PALM2AKAP2: variants seen among roughly 807,000 people sequenced by gnomAD.
The protein encoded by PALM2AKAP2 is PALM2 and AKAP2 fusion.
Under a neutral mutation model 71.5 loss-of-function variants are expected in PALM2AKAP2, and 37 were observed. That is an observed-to-expected ratio of 0.52 (90% CI 0.40 to 0.68). The LOEUF (loss-of-function observed/expected upper bound fraction) is 0.68, where lower values mean the gene tolerates loss of function less well. Ranked by LOEUF, PALM2AKAP2 falls within the 30% of genes least tolerant of loss-of-function variation. The pLI, the probability that PALM2AKAP2 is intolerant of heterozygous loss-of-function variation, is 0.00. For missense variants in PALM2AKAP2, 1,224 were observed against 1,191.8 expected (o/e 1.03, Z -0.40); for synonymous variants, 468 against 478.8 (o/e 0.98, Z 0.29).
chr9:110,135,164 A>ATATATAT (rs1554755279), intron 1 of PALM2AKAP2, among the ~76,000 whole-genome samples: 2 of 51,742 alleles, frequency 3.9e-5, no homozygotes, highest in African/African-American at 1.5e-4. Flanking sequence ...AAAAAAAAAA[A>ATATATAT]ATATATAAAT....
chr9:109,806,639 C>T (rs1006670690), intron 1 of PALM2AKAP2, among the ~76,000 whole-genome samples: 1 of 152,068 alleles, frequency 6.6e-6, no homozygotes, highest in Admixed American at 6.6e-5. Flanking sequence ...AAAGAGTGAG[C>T]CATGTGGATA....
At position 109,644,991 on chromosome 9, in the gene PALM2AKAP2, A is replaced by G. The variant is rs1827128080; in HGVS notation, c.5+4125A>G. On this transcript the variant is annotated intron_variant, in intron 1 of 6. Transcript: ENST00000374531. ...CTTCTGAGCCCTCCAAACTGTTTCA[A>G]CCTCTGCCTGTTACCCAATTCCAAA... is the stretch of plus-strand genomic sequence containing the variant. Among the ~76,000 whole-genome samples the G allele has an allele frequency of 2.0e-5, 3 of 152,046 alleles. No homozygotes were observed. The South Asian group carries it at 6.2e-4, about 32-fold the overall frequency.
At chr9:109,681,685 T>A (rs1372115638) in intron 1 of PALM2AKAP2, among the ~76,000 whole-genome samples, 2 of 152,208 alleles carry the variant, frequency 1.3e-5, no homozygotes, top group East Asian at 1.9e-4. Flanking sequence ...AGGCTGAAAT[T>A]TGAACTGCAG....
At chr9:109,650,178 C>T (rs1827206350) in intron 1 of PALM2AKAP2, among the ~76,000 whole-genome samples, 1 of 152,084 alleles carries the variant, frequency 6.6e-6, no homozygotes, top group Admixed American at 6.5e-5. Flanking sequence ...CCAGCCCCTT[C>T]ACACAGATGT....
chr9:110,068,963 A>G (rs1449773592), intron 1 of PALM2AKAP2, among the ~76,000 whole-genome samples: 1 of 152,226 alleles, frequency 6.6e-6, no homozygotes, highest in Non-Finnish European at 1.5e-5. Context: ...ACAGTATAGA[A>G]ATGAAACCCT....
In PALM2AKAP2 at chr9:109,834,172, C is replaced by G. The variant is rs189469740; in HGVS notation, c.46-33319C>G. Among the ~76,000 whole-genome samples the G allele has an allele frequency of 2.2e-4, 34 of 152,292 alleles. No homozygotes were observed. In the East Asian group the frequency reaches 6.2e-3, roughly 28 times the overall value. On this transcript the variant is annotated intron_variant, in intron 1 of 9. Coordinates refer to the PALM2AKAP2 transcript ENST00000302798. ...ATGTTGCAGTGAGCCAAGATCACAC[C>G]ACTGCATTCCAGCCTGGGTGACAGA...
At chr9:109,683,792 A>G (rs1827771287) in intron 1 of PALM2AKAP2, among the ~76,000 whole-genome samples, 1 of 152,048 alleles carries the variant, frequency 6.6e-6, no homozygotes, top group Non-Finnish European at 1.5e-5. Context: ...CTGCTCTGTG[A>G]CTCAGGTTTT....
At position 110,007,023 on chromosome 9, in the gene PALM2AKAP2, G is replaced by C. The variant is rs562192437; in HGVS notation, c.497-8931G>C. On this transcript the variant is annotated intron_variant, in intron 6 of 9. Coordinates refer to the PALM2AKAP2 transcript ENST00000302798. Reference sequence around the variant, plus strand: ...GTATTTTTGATCAGTGAGACTTTGGGGGTTCAGCTTTGGTGAGGGGTAGGG... The same window carrying C: ...GTATTTTTGATCAGTGAGACTTTGGCGGTTCAGCTTTGGTGAGGGGTAGGG... 2.0e-5 allele frequency among the ~76,000 whole-genome samples: 3 copies of C among 152,256 alleles called. No individual in the cohort carries two copies. The South Asian group carries it at 6.2e-4, about 32-fold the overall frequency.
chr9:109,749,138 G>A (rs1051601279), intron 1 of PALM2AKAP2, among the ~76,000 whole-genome samples: 1 of 152,168 alleles, frequency 6.6e-6, no homozygotes, highest in African/African-American at 2.4e-5. Context: ...TTAAACATGA[G>A]GCGATAGAAG....
At chr9:110,009,436 C>A (rs754595779) in intron 6 of PALM2AKAP2, among the ~76,000 whole-genome samples, 1 of 151,968 alleles carries the variant, frequency 6.6e-6, no homozygotes, top group Non-Finnish European at 1.5e-5. Flanking sequence ...CAAAGTTGGC[C>A]GGGCGCGGTG....
intron 1 of PALM2AKAP2, among the ~76,000 whole-genome samples, chr9:109,785,755 G>A (rs750410383): frequency 2.0e-5 from 3 of 152,062 alleles, no homozygotes; most frequent in Non-Finnish European, 4.4e-5. Context: ...CCCACAACAC[G>A]TGGGAATTCA....
chr9:110,035,861 G>T (rs1017185185), intron 7 of PALM2AKAP2, among the ~76,000 whole-genome samples: 2 of 139,786 alleles, frequency 1.4e-5, no homozygotes, highest in African/African-American at 5.0e-5. Context: ...GATATGTTGT[G>T]TGTTATATAT....
chr9:110,022,560 C>CTTTATT (rs1833092252), intron 7 of PALM2AKAP2, among the ~76,000 whole-genome samples: 1 of 148,934 alleles, frequency 6.7e-6, no homozygotes, highest in Non-Finnish European at 1.5e-5. Context: ...CTTTTTTTTT[C>CTTTATT]TTTATTTTTA....
chr9:110,161,841 C>T (rs1002862968), intron 3 of PALM2AKAP2, among the ~76,000 whole-genome samples: 6 of 151,618 alleles, frequency 4.0e-5, no homozygotes, highest in Non-Finnish European at 7.4e-5. Flanking sequence ...CTGAAAGCAA[C>T]GTTTTGAATT....
At chr9:109,875,604 T>G (rs376199253) in intron 2 of PALM2AKAP2, among the ~76,000 whole-genome samples, 1 of 152,212 alleles carries the variant, frequency 6.6e-6, no homozygotes, top group East Asian at 1.9e-4. Flanking sequence ...TCATAGGTCC[T>G]CATGCTGTGC....
At position 110,049,087 on chromosome 9, in the gene PALM2AKAP2, C is replaced by T. The variant is rs376686925; in HGVS notation, c.156+232C>T. On this transcript the variant is annotated intron_variant, in intron 1 of 3. Transcript: ENST00000374525. ...TGAATTCCTAGGTTTGTGGGAGGGC[C>T]AAGCCTTTGGCTGCTTTGTTCAATG... Among the ~76,000 whole-genome samples, 126 of 152,310 alleles carry T rather than the reference C, an allele frequency of 8.3e-4. 1 individual carries two copies. The highest frequency in any genetic ancestry group is 2.5e-3 in the African/African-American group (105 of 41,570).
chr9:109,729,472 T>A (rs1828523406), intron 1 of PALM2AKAP2, among the ~76,000 whole-genome samples: 1 of 152,208 alleles, frequency 6.6e-6, no homozygotes, highest in Non-Finnish European at 1.5e-5. Flanking sequence ...ATTCTAGCCA[T>A]CTGACTTTGA....
intron 6 of PALM2AKAP2, among the ~76,000 whole-genome samples, chr9:110,000,135 A>T (rs779008304): frequency 2.0e-5 from 3 of 151,368 alleles, no homozygotes; most frequent in Non-Finnish European, 2.9e-5. Context: ...AACATCAGGG[A>T]TATCTCCTAA....
At chr9:109,661,533 T>A (rs1299484940) in intron 1 of PALM2AKAP2, among the ~76,000 whole-genome samples, 4 of 152,234 alleles carry the variant, frequency 2.6e-5, no homozygotes, top group Admixed American at 1.3e-4. Flanking sequence ...ATATCTGTTT[T>A]GGTACCAGTA....
Sources: gnomAD v4.1 joint callset for allele counts (sites outside exome capture counted in the v4.1 genomes callset) on GRCh38, gnomAD v4.1.1 for gene constraint, MANE v1.5 for transcripts, NCBI Gene and HGNC (gene_info 2026-07-23, HGNC 2026-07-21) for gene names.